DAB2IP: variants seen among roughly 807,000 people sequenced by gnomAD.
DAB2IP encodes disabled homolog 2-interacting protein.
A neutral mutation model predicts 107.2 loss-of-function variants in DAB2IP; 28 were observed. The observed-to-expected ratio is 0.26, with a 90% confidence interval of 0.19 to 0.36. The LOEUF is 0.36. Ranked by LOEUF, DAB2IP falls within the 10% of genes least tolerant of loss-of-function variation. The probability of loss-of-function intolerance (pLI) is 1.00; values close to 1 mark genes in which losing one functional copy is unlikely to be tolerated. For missense variants in DAB2IP, 1,400 were observed against 1,644.7 expected (o/e 0.85, Z 2.57); for synonymous variants, 755 against 706.4 (o/e 1.07, Z -1.09).
intron 2 of DAB2IP, among the ~76,000 whole-genome samples, chr9:121,692,243 T>A (rs1589525058): frequency 6.6e-6 from 1 of 152,170 alleles, no homozygotes; most frequent in South Asian, 2.1e-4. Context: ...TGTATTTGTA[T>A]GTTAGCTTGT....
At chr9:121,681,274 C>G (rs929044002) in intron 2 of DAB2IP, among the ~76,000 whole-genome samples, 1 of 152,190 alleles carries the variant, frequency 6.6e-6, no homozygotes, top group African/African-American at 2.4e-5. Flanking sequence ...CCCCAGAACC[C>G]CATCAGCATC....
chr9:121,600,121 G>T lies in DAB2IP; in HGVS notation c.40+32893G>T, dbSNP rs572935640. Among the ~76,000 whole-genome samples the T allele has an allele frequency of 1.4e-4, 22 of 152,194 alleles. No individual in the cohort carries two copies. The South Asian group carries it at 4.6e-3, about 32-fold the overall frequency. On this transcript the variant is annotated intron_variant, in intron 1 of 16. Coordinates refer to the DAB2IP transcript ENST00000259371. ...GGGCGGCGGGAGTTGGGGGTGGGGG[G>T]TGCCAGCCTACCGATCCCCAAGGCT...
chr9:121,715,478 G>A (rs535034477), intron 3 of DAB2IP, among the ~76,000 whole-genome samples: 2 of 151,170 alleles, frequency 1.3e-5, no homozygotes, highest in Non-Finnish European at 2.9e-5. Flanking sequence ...TCAGCCTCCC[G>A]AGTAGCTGGG....
At chr9:121,581,671 T>C (rs1830197079) in intron 1 of DAB2IP, among the ~76,000 whole-genome samples, 1 of 152,228 alleles carries the variant, frequency 6.6e-6, no homozygotes, top group African/African-American at 2.4e-5. Context: ...TGTGCATCCC[T>C]GCTCTGAGTC....
At chr9:121,640,293 T>C (rs2797347) in intron 1 of DAB2IP, among the ~76,000 whole-genome samples, 66,551 of 151,804 alleles carry the variant, frequency 0.44, 15,340 homozygotes, top group African/African-American at 0.57. Context: ...AAGAGCTCAC[T>C]GTTCCGGAGA....
chr9:121,772,680 G>C lies in DAB2IP; in HGVS notation c.2152G>C (p.Gly718Arg). ...CTTGTTTTTTGTCACAAGGTCCTCC[G>C]GGGTCCAGCCCTCACCTGCCCGCAG... The change falls in exon 12 of 16, where the codon GGG becomes CGG. Residue 718 changes from glycine to arginine, a missense_variant. Gly to Arg is a moderately radical substitution (Grantham distance 125). Around this residue, in one of 3 missense-constraint regions of DAB2IP, gnomAD observed 600 missense variants for 659.1 expected, o/e 0.91. Coordinates refer to ENST00000408936, the Ensembl canonical transcript of DAB2IP. The surrounding 1 kb of genome is among the most constrained non-coding windows in gnomAD (Gnocchi z 4.7). 1 of 1,614,014 alleles carries C rather than the reference G, an allele frequency of 6.2e-7. No individual in the cohort carries two copies. The highest frequency in any genetic ancestry group is 8.5e-7 in the Non-Finnish European group (1 of 1,179,994).
Position 121,760,768 on chromosome 9 carries a change from G to A in DAB2IP, c.1170+329G>A, listed in dbSNP as rs1002766728. 1.3e-5 allele frequency among the ~76,000 whole-genome samples: 2 copies of A among 152,080 alleles called. No homozygotes were observed. Among genetic ancestry groups the A allele is most frequent in the Non-Finnish European group, 1.5e-5 (1 of 68,010 alleles). On this transcript the variant is annotated intron_variant, in intron 6 of 15. Transcript: ENST00000408936. This position sits in a 1 kb window ranked among gnomAD's most constrained non-coding sequence, Gnocchi z 5.9. ...CCAGGGGAACAGGCTGGGTGGCCAC[G>A]GCTCTCCCAGCACACAGGTCCCACA...
chr9:121,737,305 A>G (rs921402430), intron 3 of DAB2IP: 111 of 985,338 alleles, frequency 1.1e-4, no homozygotes, highest in Non-Finnish European at 1.3e-4. Context: ...GGTTACCTGC[A>G]TGGAAGACGG....
chr9:121,650,922 A>G (rs902355344), upstream of DAB2IP, among the ~76,000 whole-genome samples: 1 of 152,112 alleles, frequency 6.6e-6, no homozygotes, highest in Non-Finnish European at 1.5e-5. Flanking sequence ...GGATGTTTAG[A>G]CGTATTGCCA....
intron 3 of DAB2IP, among the ~76,000 whole-genome samples, chr9:121,718,035 C>T (rs939934998): frequency 3.3e-5 from 5 of 152,240 alleles, no homozygotes; most frequent in African/African-American, 4.8e-5. Flanking sequence ...CCTTATGTGT[C>T]GAGGTTTCAG....
rs144093695 is a variant in DAB2IP at position 121,684,723 on chromosome 9, G to T, written c.228+5942G>T. Among the ~76,000 whole-genome samples the T allele has an allele frequency of 6.6e-6, 1 of 152,324 alleles. No homozygotes were observed. The highest frequency in any genetic ancestry group is 1.5e-5 in the Non-Finnish European group (1 of 68,026). On this transcript the variant is annotated intron_variant, in intron 2 of 15. Coordinates refer to ENST00000408936, the Ensembl canonical transcript of DAB2IP. This position sits in a 1 kb window ranked among gnomAD's most constrained non-coding sequence, Gnocchi z 4.0. ...TTCCAAGCTACGGAGGCTCCGGGTG[G>T]CTGTTGGGGTGGGGAACAGAAAAGC...
chr9:121,618,867 G>T (rs1264124613), intron 1 of DAB2IP, among the ~76,000 whole-genome samples: 2 of 152,162 alleles, frequency 1.3e-5, no homozygotes, highest in Non-Finnish European at 1.5e-5. Context: ...GGCGGGGCAG[G>T]GGCTGTGTGT....
At chr9:121,651,553 G>T, upstream of DAB2IP, 2 of 650,820 alleles carry the variant, frequency 3.1e-6, no homozygotes, top group Non-Finnish European at 3.9e-6. This position sits in a 1 kb window ranked among gnomAD's most constrained non-coding sequence, Gnocchi z 5.1. Context: ...TGCCAGCCCG[G>T]CCTCCGGGTC....
chr9:121,734,080 A>G (rs1313978942), intron 3 of DAB2IP, among the ~76,000 whole-genome samples: 1 of 152,218 alleles, frequency 6.6e-6, no homozygotes, highest in East Asian at 1.9e-4. Flanking sequence ...TTTATGTGTT[A>G]CTAAAGATGT....
chr9:121,741,155 AG>A (rs1441856572), intron 3 of DAB2IP, among the ~76,000 whole-genome samples: 1 of 152,148 alleles, frequency 6.6e-6, no homozygotes, highest in Non-Finnish European at 1.5e-5. Context: ...CATGCGCACC[AG>A]ATGCATTCGG....
chr9:121,605,826 G>A (rs1184288860), intron 1 of DAB2IP, among the ~76,000 whole-genome samples: 2 of 152,126 alleles, frequency 1.3e-5, no homozygotes, highest in Non-Finnish European at 2.9e-5. Context: ...TTTCTTAAGA[G>A]TGTTTAAAAA....
At chr9:121,652,048 A>G in intron 1 of DAB2IP, 149 bp downstream of exon 1, 4 of 710,460 alleles carry the variant, frequency 5.6e-6, no homozygotes, top group Non-Finnish European at 7.9e-6. Flanking sequence ...CGGACCCCCC[A>G]TTCCCCCAGC....
chr9:121,699,763 G>A lies in DAB2IP; in HGVS notation c.362+305G>A, dbSNP rs895207338. Among the ~76,000 whole-genome samples, 16 of 152,194 alleles carry A rather than the reference G, an allele frequency of 1.1e-4. No individual in the cohort carries two copies. Among genetic ancestry groups the A allele is most frequent in the African/African-American group, 3.6e-4 (15 of 41,468 alleles). On this transcript the variant is annotated intron_variant, in intron 3 of 15. Coordinates refer to ENST00000408936, the Ensembl canonical transcript of DAB2IP. The surrounding 1 kb of genome is among the most constrained non-coding windows in gnomAD (Gnocchi z 6.2). ...AGTCCTGCCTCGCCTGTCCGAGGTG[G>A]GCATTGTTTCCCGGGCCGTGCGGTG...
intron 1 of DAB2IP, among the ~76,000 whole-genome samples, chr9:121,572,118 G>A (rs191718339): frequency 1.3e-5 from 2 of 152,262 alleles, no homozygotes; most frequent in Admixed American, 6.5e-5. Context: ...GCCTGGCAGC[G>A]GCCAGCATAA....
Sources: allele counts gnomAD v4.1 joint callset (sites outside exome capture counted in the v4.1 genomes callset), GRCh38; gene constraint gnomAD v4.1.1; regional missense constraint gnomAD v4.1.1; non-coding constraint Gnocchi (gnomAD v3.1); transcripts MANE v1.5; gene names NCBI Gene and HGNC (gene_info 2026-07-23, HGNC 2026-07-21).